SMG6: variants seen among roughly 807,000 people sequenced by gnomAD.
SMG6 encodes the protein SMG6 nonsense mediated mRNA decay factor.
In SMG6, 66 loss-of-function variants were observed where a neutral mutation model predicts 142.2. That is an observed-to-expected ratio of 0.46 (90% CI 0.38 to 0.57). SMG6 has a LOEUF of 0.57. Among genes scored for constraint, SMG6 ranks in the 20% least tolerant of loss-of-function variants. SMG6 has a pLI of 0.00. For missense variants in SMG6, 1,793 were observed against 1,832.0 expected, an observed-to-expected ratio of 0.98 and a Z score of 0.39; for synonymous variants, 779 against 702.4, an observed-to-expected ratio of 1.11 and a Z score of -1.72.
chr17:2,125,781 C>T (rs376141058), intron 13 of SMG6, among the ~76,000 whole-genome samples: 1 of 151,982 alleles, frequency 6.6e-6, no homozygotes, highest in East Asian at 1.9e-4. Context: ...GGCAAAACAC[C>T]GTCTATACTA....
chr17:2,283,002 C>T (rs890896639), intron 7 of SMG6, 143 bp from the exon 8 acceptor site: 41 of 718,032 alleles, frequency 5.7e-5, no homozygotes, highest in South Asian at 8.9e-5. Flanking sequence ...GAAACCCTGT[C>T]TCTACTAAAA....
chr17:2,108,273 A>T (rs1034338327), intron 13 of SMG6, among the ~76,000 whole-genome samples: 3 of 151,980 alleles, frequency 2.0e-5, no homozygotes, highest in African/African-American at 4.8e-5. Context: ...CTTCTTAGCC[A>T]CTCTCCAATC....
chr17:2,193,896 C>T (rs1597569035), intron 10 of SMG6, among the ~76,000 whole-genome samples: 1 of 152,200 alleles, frequency 6.6e-6, no homozygotes, highest in East Asian at 1.9e-4. Context: ...AGTGGTACAA[C>T]TGTGGCTCAG....
rs182572591 is a variant in SMG6 at position 2,073,407 on chromosome 17, T to C, written c.3682-4476A>G. On this transcript the variant is annotated intron_variant, in intron 15 of 18. Coordinates refer to ENST00000263073, the MANE Select transcript of SMG6 (RefSeq NM_017575.5). ...CGTTTTTTTGTTTTGTTTTGTTTTG[T>C]TTTAAAGAGACACGAGTCTCAGACC... Among the ~76,000 whole-genome samples the C allele has an allele frequency of 2.2e-4, 34 of 152,024 alleles. 1 individual carries two copies. The East Asian group carries it at 4.9e-3, about 22-fold the overall frequency.
chr17:2,191,779 C>T (rs929563758), intron 10 of SMG6, among the ~76,000 whole-genome samples: 2 of 152,190 alleles, frequency 1.3e-5, no homozygotes, highest in African/African-American at 4.8e-5. Flanking sequence ...AACAGGGAGA[C>T]TTTCTCGTTT....
At chr17:2,067,042 C>T (rs559332255) in intron 16 of SMG6, among the ~76,000 whole-genome samples, 1 of 152,286 alleles carries the variant, frequency 6.6e-6, no homozygotes, top group South Asian at 2.1e-4. Context: ...TAAACAGGAG[C>T]CCTCCTCTTA....
intron 10 of SMG6, among the ~76,000 whole-genome samples, chr17:2,233,995 A>G (rs1324431371): frequency 6.6e-6 from 1 of 151,982 alleles, no homozygotes; most frequent in Non-Finnish European, 1.5e-5. Flanking sequence ...ACCTCAACCC[A>G]TACTCTTCTT....
At chr17:2,255,126 C>T (rs1026160014) in intron 8 of SMG6, among the ~76,000 whole-genome samples, 4 of 151,648 alleles carry the variant, frequency 2.6e-5, no homozygotes, top group African/African-American at 4.8e-5. Flanking sequence ...GATCTTCGGC[C>T]GGGCGCGGTG....
chr17:2,122,471 A>G (rs890763674), intron 13 of SMG6: 5 of 152,230 alleles, frequency 3.3e-5, no homozygotes, highest in Admixed American at 1.3e-4. Context: ...TTGCCATGTA[A>G]AAGAAGTCTT....
rs138294371 is a variant in SMG6, at chr17:2,190,447, C to G, written c.2870-1932G>C. 1.8e-3 allele frequency among the ~76,000 whole-genome samples: 267 copies of G among 152,304 alleles called. 2 individuals carry two copies. The highest frequency in any genetic ancestry group is 6.1e-3 in the African/African-American group (253 of 41,560). ...GCTACACTAAGACACTCCCATGACC[C>G]TGGACAGGGATAAGACAGGGGAGGT... is the stretch of plus-strand genomic sequence containing the variant. On this transcript the variant is annotated intron_variant, in intron 10 of 18. Coordinates refer to ENST00000263073, the MANE Select transcript of SMG6 (RefSeq NM_017575.5).
chr17:2,240,226 A>G (rs1233761631), intron 9 of SMG6: 2 of 152,216 alleles, frequency 1.3e-5, no homozygotes, highest in Non-Finnish European at 2.9e-5. Flanking sequence ...TTTCATTTGA[A>G]TGGCAGTTTC....
chr17:2,297,203 A>G, intron 4 of SMG6, 40 bp downstream of exon 4: 1 of 1,450,690 alleles, frequency 6.9e-7, no homozygotes, highest in East Asian at 2.3e-5. Flanking sequence ...ACGCTTACGA[A>G]ATGAATGAAA....
chr17:2,299,099 C>T lies in SMG6; in HGVS notation c.1654G>A (p.Gly552Arg), dbSNP rs780631474. The T allele has an allele frequency of 6.2e-7, 1 of 1,614,156 alleles. No homozygotes were observed. The highest frequency in any genetic ancestry group is 8.5e-7 in the Non-Finnish European group (1 of 1,179,996). ...PYYPGYPTPSGQYVCSPLPTS... is the reference protein window; with the variant it reads ...PYYPGYPTPSRQYVCSPLPTS... The stretch of plus-strand genomic sequence containing the variant: ...GGTAGAGGGCTACACACATACTGTC[C>T]TGACGGAGTCGGGTAGCCTGGGTAG... The change falls in exon 2 of 19, where the codon GGA becomes AGA. Residue 552 changes from glycine (G) to arginine (R), a missense_variant. Gly to Arg is a moderately radical substitution (Grantham distance 125, BLOSUM62 -2). Transcript: ENST00000263073. The surrounding 1 kb of genome is among the most constrained non-coding windows in gnomAD (Gnocchi z 4.3).
At chr17:2,121,888 C>G (rs547139530) in intron 13 of SMG6, among the ~76,000 whole-genome samples, 19 of 152,208 alleles carry the variant, frequency 1.2e-4, no homozygotes, top group Middle Eastern at 3.4e-3. Flanking sequence ...GGCTGGAGTG[C>G]ATGGCGCAAT....
At position 2,085,621 on chromosome 17, in the gene SMG6, G is replaced by A. The variant is rs2068539283; in HGVS notation, c.3534+104C>T. The A allele has an allele frequency of 7.7e-6, 9 of 1,172,990 alleles. No individual in the cohort carries two copies. The highest frequency in any genetic ancestry group is 2.3e-5 in the East Asian group (1 of 42,576). 72.7% of individuals were successfully genotyped at this position (1,172,990 alleles called of 1,614,324 possible). ...GCTGGCTGGTCACATTAACACAGAC[G>A]CTGTTCTCTGTGCTCATAAATAAGC... On this transcript the variant is annotated intron_variant, in intron 14 of 18. Transcript: ENST00000263073. The surrounding 1 kb of genome is among the most constrained non-coding windows in gnomAD (Gnocchi z 4.1).
intron 10 of SMG6, among the ~76,000 whole-genome samples, chr17:2,205,772 T>C (rs908228125): frequency 1.3e-5 from 2 of 152,148 alleles, no homozygotes; most frequent in African/African-American, 4.8e-5. Context: ...AAGTGAACAA[T>C]AACCTTACAG....
intron 10 of SMG6, among the ~76,000 whole-genome samples, chr17:2,190,233 A>G (rs762409310): frequency 2.6e-5 from 4 of 152,178 alleles, no homozygotes; most frequent in Admixed American, 6.5e-5. Flanking sequence ...AGAGCCGGGA[A>G]GAAGGGAGTA....
chr17:2,080,760 T>C (rs1252339517), intron 15 of SMG6, among the ~76,000 whole-genome samples: 1 of 151,880 alleles, frequency 6.6e-6, no homozygotes, highest in African/African-American at 2.4e-5. Flanking sequence ...CTCAGCCTCC[T>C]GAGTAGCTGG....
At chr17:2,291,260 G>C (rs891507304) in intron 6 of SMG6, among the ~76,000 whole-genome samples, 1 of 152,050 alleles carries the variant, frequency 6.6e-6, no homozygotes, top group Non-Finnish European at 1.5e-5. Flanking sequence ...GAACCCGGGA[G>C]GCGGAGCTTG....
Sources: allele counts gnomAD v4.1 joint callset (sites outside exome capture counted in the v4.1 genomes callset), GRCh38; gene constraint gnomAD v4.1.1; non-coding constraint Gnocchi (gnomAD v3.1); transcripts MANE v1.5; gene names NCBI Gene and HGNC (gene_info 2026-07-23, HGNC 2026-07-21).